KCND3: variants seen among roughly 807,000 people sequenced by gnomAD.
The protein encoded by KCND3 is A-type voltage-gated potassium channel KCND3.
Under a neutral mutation model 51.1 loss-of-function variants are expected in KCND3, and 9 were observed. The observed-to-expected ratio is 0.18, with a 90% CI of 0.11 to 0.31. The LOEUF is 0.31. Among genes scored for constraint, KCND3 ranks in the 10% least tolerant of loss-of-function variants. KCND3 has a pLI of 1.00. For missense variants in KCND3, 526 were observed against 903.8 expected, an observed-to-expected ratio of 0.58 and a Z score of 5.36; for synonymous variants, 349 against 368.0, an observed-to-expected ratio of 0.95 and a Z score of 0.59.
At chr1:111,959,566 G>A (rs1371882935) in intron 2 of KCND3, among the ~76,000 whole-genome samples, 2 of 152,246 alleles carry the variant, frequency 1.3e-5, no homozygotes, top group Non-Finnish European at 2.9e-5. Context: ...GCTTTAACTT[G>A]GCTCTTGGAG....
At position 111,780,427 on chromosome 1, in the gene KCND3, A is replaced by C. The variant is rs1406269744; in HGVS notation, c.1372-113T>G. 1 of 1,080,628 alleles carries C rather than the reference A, an allele frequency of 9.3e-7. No individual in the cohort carries two copies. Among genetic ancestry groups the C allele is most frequent in the African/African-American group, 1.6e-5 (1 of 63,244 alleles). The allele number at this position is 1,080,628 out of a possible 1,614,324, so 66.9% of individuals were successfully genotyped here. On this transcript the variant is annotated intron_variant, in intron 4 of 7. Transcript: ENST00000302127. The surrounding 1 kb of genome is among the most constrained non-coding windows in gnomAD (Gnocchi z 4.2). ...CAATAGAATAATCAAATTTTTTTTT[A>C]TTTGACCAAATTTCAGGGTCAGCAT...
At chr1:111,887,800 G>A (rs938139583) in intron 2 of KCND3, among the ~76,000 whole-genome samples, 4 of 152,232 alleles carry the variant, frequency 2.6e-5, no homozygotes, top group African/African-American at 9.6e-5. Flanking sequence ...GGAAATTCAT[G>A]CTCAGTGGGA....
At chr1:111,798,202 C>T (rs1665142072) in intron 2 of KCND3, among the ~76,000 whole-genome samples, 1 of 151,992 alleles carries the variant, frequency 6.6e-6, no homozygotes, top group Non-Finnish European at 1.5e-5. Context: ...CATGCTTCTG[C>T]CACACTGTAT....
rs113853980 is a variant in KCND3, at chr1:111,965,213, G to C, written c.1106+16408C>G. Among the ~76,000 whole-genome samples, 176 of 152,118 alleles carry C rather than the reference G, an allele frequency of 1.2e-3. 1 individual carries two copies. Among genetic ancestry groups the C allele is most frequent in the African/African-American group, 4.1e-3 (171 of 41,484 alleles). Reference sequence around the variant, plus strand: ...TTGCTTTCTGAGTAAAAGGGGTGTGGAGGTTGGGTCAGAGGCTCATCTAAG... The same window carrying C: ...TTGCTTTCTGAGTAAAAGGGGTGTGCAGGTTGGGTCAGAGGCTCATCTAAG... On this transcript the variant is annotated intron_variant, in intron 2 of 7. Transcript: ENST00000302127.
chr1:111,882,954 C>G (rs1424811642), intron 2 of KCND3, among the ~76,000 whole-genome samples: 1 of 152,190 alleles, frequency 6.6e-6, no homozygotes, highest in Non-Finnish European at 1.5e-5. Flanking sequence ...TTTTCTGGGC[C>G]AACTTGTCTT....
intron 2 of KCND3, among the ~76,000 whole-genome samples, chr1:111,803,233 T>C (rs1665400986): frequency 6.6e-6 from 1 of 152,098 alleles, no homozygotes; most frequent in Non-Finnish European, 1.5e-5. Context: ...TGTGAGCTGG[T>C]GACAGTGGAG....
chr1:111,930,603 AC>A (rs759421628), intron 2 of KCND3, among the ~76,000 whole-genome samples: 1 of 95,060 alleles, frequency 1.1e-5, no homozygotes, highest in African/African-American at 3.2e-5. Flanking sequence ...GCTAGGTGCC[AC>A]CCCCAACCCC....
At chr1:111,987,181 C>A (rs985684741) in intron 1 of KCND3, among the ~76,000 whole-genome samples, 4 of 152,096 alleles carry the variant, frequency 2.6e-5, no homozygotes, top group African/African-American at 7.2e-5. Context: ...AGCTTTAATG[C>A]CAGGTACCTG....
chr1:111,922,187 T>C (rs1423440326), intron 2 of KCND3, among the ~76,000 whole-genome samples: 1 of 152,226 alleles, frequency 6.6e-6, no homozygotes, highest in Non-Finnish European at 1.5e-5. Context: ...CTTTAATTCA[T>C]GAGCAGGGCG....
In KCND3 at chr1:111,972,378, T is replaced by C. The variant is rs183319700; in HGVS notation, c.1106+9243A>G. Among the ~76,000 whole-genome samples the C allele has an allele frequency of 2.0e-5, 3 of 152,112 alleles. No individual in the cohort carries two copies. The East Asian group carries it at 5.8e-4, about 29-fold the overall frequency. The stretch of plus-strand genomic sequence containing the variant: ...TAGTAGAGACGGGGTTTCACCGTTT[T>C]AGCCGGGATGGTCTCGATCTCCTGA... On this transcript the variant is annotated intron_variant, in intron 2 of 7. Transcript: ENST00000302127.
chr1:111,802,553 C>T lies in KCND3; in HGVS notation c.1107-15447G>A, dbSNP rs1273446552. On this transcript the variant is annotated intron_variant, in intron 2 of 7. Transcript: ENST00000302127. ...GCTGTAAAATTGAGAATAATGTCTC[C>T]CTACAGGGAATGGTTAATATGCACT... 2.6e-5 allele frequency among the ~76,000 whole-genome samples: 4 copies of T among 152,148 alleles called. No homozygotes were observed. In the South Asian group the frequency reaches 8.3e-4, roughly 32 times the overall value.
At chr1:111,866,388 C>T (rs1668574483) in intron 2 of KCND3, among the ~76,000 whole-genome samples, 1 of 151,304 alleles carries the variant, frequency 6.6e-6, no homozygotes, top group Non-Finnish European at 1.5e-5. Context: ...CCTCAGCCTT[C>T]TGAGTAGCTG....
chr1:111,860,166 T>C (rs149233581), intron 2 of KCND3, among the ~76,000 whole-genome samples: 317 of 152,340 alleles, frequency 2.1e-3, no homozygotes, highest in African/African-American at 7.2e-3. Context: ...TTACTGAGCA[T>C]GTACTTAGTG....
chr1:111,927,148 T>C (rs1671741773), intron 2 of KCND3, among the ~76,000 whole-genome samples: 1 of 152,220 alleles, frequency 6.6e-6, no homozygotes, highest in African/African-American at 2.4e-5. Context: ...ATATGGGCCC[T>C]GAGTCACACA....
intron 2 of KCND3, among the ~76,000 whole-genome samples, chr1:111,947,812 G>A (rs1339310689): frequency 6.6e-6 from 1 of 152,216 alleles, no homozygotes; most frequent in Non-Finnish European, 1.5e-5. Flanking sequence ...AGAGGGACCT[G>A]TGAAATCCTG....
chr1:111,938,742 C>G (rs191912079), intron 2 of KCND3, among the ~76,000 whole-genome samples: 1 of 152,266 alleles, frequency 6.6e-6, no homozygotes, highest in East Asian at 1.9e-4. Flanking sequence ...AGGGAGGCCG[C>G]CAGGACTGCA....
At chr1:111,802,610 G>GC (rs995258645) in intron 2 of KCND3, among the ~76,000 whole-genome samples, 3 of 152,220 alleles carry the variant, frequency 2.0e-5, no homozygotes, top group African/African-American at 7.2e-5. Flanking sequence ...CTGACAAGAT[G>GC]CTTGTTTCAT....
intron 2 of KCND3, among the ~76,000 whole-genome samples, chr1:111,820,499 A>G (rs978684787): frequency 3.9e-5 from 6 of 152,136 alleles, no homozygotes; most frequent in Admixed American, 3.9e-4. Context: ...ATACCTTGCA[A>G]TGTAGATATT....
chr1:111,962,643 G>A (rs1571909960), intron 2 of KCND3, among the ~76,000 whole-genome samples: 5 of 152,302 alleles, frequency 3.3e-5, no homozygotes, highest in Admixed American at 3.3e-4. Flanking sequence ...TGGATGCCCT[G>A]CCTGTCCAGA....
Sources: allele counts gnomAD v4.1 joint callset (sites outside exome capture counted in the v4.1 genomes callset), GRCh38; gene constraint gnomAD v4.1.1; non-coding constraint Gnocchi (gnomAD v3.1); transcripts MANE v1.5; gene names NCBI Gene and HGNC (gene_info 2026-07-23, HGNC 2026-07-21).